The following SCD5 variants were observed in gnomAD, a reference collection of about 807,000 sequenced individuals.
The protein encoded by SCD5 is stearoyl-CoA desaturase 5.
In SCD5, 20 loss-of-function variants were observed where a neutral mutation model predicts 30.4. The ratio of observed to expected loss-of-function variants is 0.66; its 90% CI spans 0.46 to 0.96. The LOEUF (loss-of-function observed/expected upper bound fraction) is 0.96. Among genes scored for constraint, SCD5 ranks in the 40% least tolerant of loss-of-function variants. The probability of loss-of-function intolerance (pLI) is 0.00; values close to 1 mark genes in which losing one functional copy is unlikely to be tolerated. For synonymous variants in SCD5, 173 were observed against 176.4 expected (o/e 0.98, Z 0.16); for missense variants, 381 against 443.3 (o/e 0.86, Z 1.26).
intron 1 of SCD5, among the ~76,000 whole-genome samples, chr4:82,754,156 T>C (rs1197557138): frequency 6.6e-6 from 1 of 151,954 alleles, no homozygotes; most frequent in African/African-American, 2.4e-5. Context: ...ATCTCCCCGT[T>C]TTGCAGGAGT....
At chr4:82,708,022 C>A (rs1720004717) in intron 1 of SCD5, among the ~76,000 whole-genome samples, 1 of 152,056 alleles carries the variant, frequency 6.6e-6, no homozygotes, top group African/African-American at 2.4e-5. Flanking sequence ...CATCTTAAAT[C>A]CTGATTGTAG....
At chr4:82,646,394 AT>A (rs1253579579) in intron 3 of SCD5, among the ~76,000 whole-genome samples, 1 of 152,118 alleles carries the variant, frequency 6.6e-6, no homozygotes, top group African/African-American at 2.4e-5. Flanking sequence ...GAAATATGTG[AT>A]GCACTTGGAT....
chr4:82,711,708 A>G (rs1303303223), intron 1 of SCD5, among the ~76,000 whole-genome samples: 2 of 57,948 alleles, frequency 3.5e-5, no homozygotes, highest in East Asian at 2.9e-4. Flanking sequence ...CTTGTCTTAA[A>G]AAAAAAAAAA....
At chr4:82,668,080 T>C (rs1385011796) in intron 3 of SCD5, among the ~76,000 whole-genome samples, 1 of 152,026 alleles carries the variant, frequency 6.6e-6, no homozygotes, top group Non-Finnish European at 1.5e-5. Context: ...TGCTGAGCAA[T>C]AGGTTAAACA....
chr4:82,721,100 C>G (rs6535397), intron 1 of SCD5, among the ~76,000 whole-genome samples: 93,686 of 152,098 alleles, frequency 0.62, 31,601 homozygotes, highest in African/African-American at 0.9. Flanking sequence ...TTTTGAGGCT[C>G]CAGTGAGCTG....
At chr4:82,702,420 C>A (rs1719870608) in intron 2 of SCD5, among the ~76,000 whole-genome samples, 1 of 152,012 alleles carries the variant, frequency 6.6e-6, no homozygotes, top group Non-Finnish European at 1.5e-5. Flanking sequence ...GCTGGGATTA[C>A]AGGTATGAGC....
intron 3 of SCD5, among the ~76,000 whole-genome samples, chr4:82,649,183 GTGTGTGT>G (rs1560523803): frequency 2.5e-3 from 27 of 10,938 alleles, no homozygotes; most frequent in African/African-American, 0.014. Context: ...TGAGAGGGGT[GTGTGTGT>G]GTGTGTGTGT....
chr4:82,717,617 A>G (rs1337885856), intron 1 of SCD5, among the ~76,000 whole-genome samples: 1 of 151,852 alleles, frequency 6.6e-6, no homozygotes, highest in Non-Finnish European at 1.5e-5. Context: ...AACTAATATC[A>G]AAATCGTTGG....
At chr4:82,683,748 G>C (rs1728632236) in intron 2 of SCD5, among the ~76,000 whole-genome samples, 1 of 152,098 alleles carries the variant, frequency 6.6e-6, no homozygotes, top group African/African-American at 2.4e-5. Flanking sequence ...TCATGATATT[G>C]AGTGAGTTCT....
intron 2 of SCD5, among the ~76,000 whole-genome samples, chr4:82,689,416 G>A (rs924900966): frequency 6.6e-6 from 1 of 152,168 alleles, no homozygotes; most frequent in African/African-American, 2.4e-5. Flanking sequence ...AGAGGCATTT[G>A]TAGTGCCTCC....
chr4:82,738,930 G>A (rs1290742724), intron 1 of SCD5, among the ~76,000 whole-genome samples: 10 of 152,176 alleles, frequency 6.6e-5, no homozygotes, highest in Admixed American at 5.9e-4. Context: ...AGATCACCCA[G>A]CTAGTAATAA....
chr4:82,639,369 G>A (rs1354715395), intron 3 of SCD5, among the ~76,000 whole-genome samples: 1 of 152,224 alleles, frequency 6.6e-6, no homozygotes, highest in African/African-American at 2.4e-5. Context: ...AAGGGAAGAA[G>A]GCAGCACTGG....
chr4:82,705,530 C>A lies in SCD5; in HGVS notation c.233-117G>T. 2.2e-6 allele frequency: 3 copies of A among 1,341,638 alleles called. No homozygotes were observed. In the South Asian group the frequency reaches 4.3e-5, roughly 19 times the overall value. 83.1% of individuals were successfully genotyped at this position (1,341,638 alleles called of 1,614,324 possible). On this transcript the variant is annotated intron_variant, in intron 1 of 4. Transcript: ENST00000319540. ...GAAATGGTGTCAGGGGGGAAAGCTG[C>A]AACATGAAGAATCAATAACTTGAGA...
intron 1 of SCD5, among the ~76,000 whole-genome samples, chr4:82,738,389 T>C (rs1267658266): frequency 6.6e-6 from 1 of 152,230 alleles, no homozygotes; most frequent in Non-Finnish European, 1.5e-5. Flanking sequence ...GCCACTGCAC[T>C]CCAGCCTGGC....
chr4:82,668,768 G>A (rs906742050), intron 3 of SCD5, among the ~76,000 whole-genome samples: 12 of 152,238 alleles, frequency 7.9e-5, no homozygotes, highest in Middle Eastern at 3.4e-3. Context: ...ACCAAACCCA[G>A]GGTAATTGAG....
At chr4:82,703,712 CAGCTACA>C (rs1273099742) in intron 2 of SCD5, among the ~76,000 whole-genome samples, 1 of 152,058 alleles carries the variant, frequency 6.6e-6, no homozygotes, top group Non-Finnish European at 1.5e-5. Flanking sequence ...TTTTAGGCTT[CAGCTACA>C]AGTTATTTAT....
At chr4:82,798,202 G>A (rs1722271130) in intron 1 of SCD5, 104 bp downstream of exon 1, 3 of 1,126,132 alleles carry the variant, frequency 2.7e-6, no homozygotes, top group Non-Finnish European at 3.3e-6. Flanking sequence ...GAGACCGGGG[G>A]TCGCTGCGCA....
chr4:82,675,559 C>A (rs915127694), intron 3 of SCD5, among the ~76,000 whole-genome samples: 1 of 152,204 alleles, frequency 6.6e-6, no homozygotes, highest in Non-Finnish European at 1.5e-5. Flanking sequence ...TTTATCTCAT[C>A]ACCATGGCAA....
At chr4:82,774,834 G>A (rs1039413470) in intron 1 of SCD5, among the ~76,000 whole-genome samples, 2 of 152,154 alleles carry the variant, frequency 1.3e-5, no homozygotes, top group Non-Finnish European at 2.9e-5. Flanking sequence ...TAAGAGCTTT[G>A]AGACTGATGG....
Sources: gnomAD v4.1 joint callset for allele counts (sites outside exome capture counted in the v4.1 genomes callset) on GRCh38, gnomAD v4.1.1 for gene constraint, MANE v1.5 for transcripts, NCBI Gene and HGNC (gene_info 2026-07-23, HGNC 2026-07-21) for gene names.